Variants in MFN1 observed in about 807,000 individuals in gnomAD.
MFN1 encodes mitofusin-1.
In MFN1, 65 loss-of-function variants were observed where a neutral mutation model predicts 92.4. That is an observed-to-expected ratio of 0.70 (90% CI 0.58 to 0.86). MFN1 has a LOEUF of 0.86. Among genes scored for constraint, MFN1 ranks in the 40% least tolerant of loss-of-function variants. The pLI is 0.00. For missense variants in MFN1, 781 were observed against 868.0 expected (o/e 0.90, Z 1.26); for synonymous variants, 297 against 300.9 (o/e 0.99, Z 0.13).
chr3:179,378,923 T>A (rs1452790658), intron 14 of MFN1, 109 bp downstream of exon 14: 1 of 826,260 alleles, frequency 1.2e-6, no homozygotes, highest in Admixed American at 2.8e-5. Context: ...AAAGCTAGTA[T>A]CTATCTCTTA....
intron 14 of MFN1, among the ~76,000 whole-genome samples, chr3:179,382,890 A>G (rs1406857711): frequency 2.6e-5 from 4 of 152,172 alleles, no homozygotes; most frequent in African/African-American, 4.8e-5. Context: ...GTGTCTGTTC[A>G]TATCCTTCGC....
At chr3:179,389,285 AAGTT>A (rs1169771542) in intron 16 of MFN1, among the ~76,000 whole-genome samples, 3 of 152,194 alleles carry the variant, frequency 2.0e-5, no homozygotes, top group Non-Finnish European at 4.4e-5. Flanking sequence ...AATAAAAACA[AAGTT>A]AATGTAGCTT....
intron 8 of MFN1, 146 bp downstream of exon 8, chr3:179,367,738 C>A: frequency 1.7e-6 from 1 of 580,922 alleles, no homozygotes; most frequent in Non-Finnish European, 2.7e-6. Context: ...GCCTGGCCAA[C>A]ATGGTGAAAC....
In MFN1 at chr3:179,351,898, A is replaced by G. The variant is rs752365851; in HGVS notation, c.113-2A>G. On this transcript the variant is annotated splice_acceptor_variant, in intron 2 of 17. Transcript: ENST00000471841. LOFTEE classifies it high-confidence loss of function. The stretch of plus-strand genomic sequence containing the variant: ...TTTTCTAATGCCATTTCAATTTTGC[A>G]GCAACATATAAGAATCCGGAACTTG... The G allele has an allele frequency of 1.3e-6, 2 of 1,589,526 alleles. No individual in the cohort carries two copies. The highest frequency in any genetic ancestry group is 1.7e-4 in the Middle Eastern group (1 of 5,976).
rs370324225 is a variant in MFN1 at position 179,378,806 on chromosome 3, A to G, written c.1654A>G (p.Ile552Val). The G allele has an allele frequency of 4.4e-6, 7 of 1,608,792 alleles. No individual in the cohort carries two copies. The highest frequency in any genetic ancestry group is 2.7e-5 in the African/African-American group (2 of 74,784). ...QRVLLGLSEPIFQLPRSLAST... is the reference protein window; with the variant it reads ...QRVLLGLSEPVFQLPRSLAST... ...GGTGCTCCTAGGATTATCAGAGCCT[A>G]TCTTTCAGGTATGTATCTTTGAATC... Residue 552 changes from isoleucine to valine, a missense_variant, in exon 14 of 18, where the codon ATC (isoleucine) becomes GTC (valine). Ile to Val is a conservative substitution (Grantham distance 29). Coordinates refer to ENST00000471841, the MANE Select transcript of MFN1 (RefSeq NM_033540.3).
rs761041057 is a variant in MFN1 at position 179,364,268 on chromosome 3, T to C, written c.537-29T>C. ...ACCCAAATTTTCTTTTTAAGAAATA[T>C]AATACAATTTTTATTTCACTCTCAT... On this transcript the variant is annotated intron_variant, in intron 5 of 17. Transcript: ENST00000471841. 4 of 1,482,828 alleles carry C rather than the reference T, an allele frequency of 2.7e-6. No individual in the cohort carries two copies. The South Asian group carries it at 3.9e-5, about 14-fold the overall frequency. The allele number at this position is 1,482,828 out of a possible 1,614,324, so 91.9% of individuals were successfully genotyped here.
intron 2 of MFN1, among the ~76,000 whole-genome samples, chr3:179,350,787 T>G (rs1331609282): frequency 6.6e-6 from 1 of 152,224 alleles, no homozygotes; most frequent in Non-Finnish European, 1.5e-5. Context: ...GGATGTGCAC[T>G]GGAGAAGTTT....
chr3:179,368,128 C>G, intron 9 of MFN1, 25 bp downstream of exon 9: 1 of 1,496,446 alleles, frequency 6.7e-7, no homozygotes, highest in South Asian at 1.3e-5. Flanking sequence ...ATTGTATTGC[C>G]TAATACAAAA....
chr3:179,386,749 G>GATAAC, intron 16 of MFN1, 120 bp downstream of exon 16: 1 of 932,842 alleles, frequency 1.1e-6, no homozygotes, highest in East Asian at 2.6e-5. Flanking sequence ...CATGTTTCGT[G>GATAAC]ATGGCCATAA....
intron 2 of MFN1, among the ~76,000 whole-genome samples, chr3:179,350,054 G>C (rs547762546): frequency 6.6e-6 from 1 of 151,894 alleles, no homozygotes; most frequent in South Asian, 2.1e-4. Context: ...CAGGAGGCTC[G>C]AGGAGGGAGA....
At chr3:179,370,743 T>TG in intron 9 of MFN1, among the ~76,000 whole-genome samples, 1 of 152,190 alleles carries the variant, frequency 6.6e-6, no homozygotes, top group South Asian at 2.1e-4. Context: ...ACGTTGAAGA[T>TG]GCATTGGTTT....
intron 14 of MFN1, among the ~76,000 whole-genome samples, chr3:179,384,482 ATTTT>A (rs574828787): frequency 0.026 from 3,897 of 152,164 alleles, 185 homozygotes; most frequent in African/African-American, 0.089. Flanking sequence ...GCTTTTACCT[ATTTT>A]TAAATTATTT....
At position 179,381,114 on chromosome 3, in the gene MFN1, A is replaced by G. The variant is rs1449686969; in HGVS notation, c.1662+2300A>G. 3.9e-5 allele frequency among the ~76,000 whole-genome samples: 6 copies of G among 152,200 alleles called. 2 individuals carry two copies. Among genetic ancestry groups the G allele is most frequent in the African/African-American group, 1.4e-4 (6 of 41,458 alleles). Reference sequence around the variant, plus strand: ...TATGATAATGGTGATAATGAAGATGATTTCATTGACCTCGCAGAACAACTG... The same window carrying G: ...TATGATAATGGTGATAATGAAGATGGTTTCATTGACCTCGCAGAACAACTG... On this transcript the variant is annotated intron_variant, in intron 14 of 17. Transcript: ENST00000471841.
At chr3:179,379,949 C>T (rs184418256) in intron 14 of MFN1, among the ~76,000 whole-genome samples, 4 of 152,076 alleles carry the variant, frequency 2.6e-5, no homozygotes, top group Non-Finnish European at 5.9e-5. Context: ...AAGTTAAAAA[C>T]GAAGATCTTG....
rs1713952189 is a variant in MFN1, at chr3:179,392,633, G to A, written c.*574G>A. The A allele has an allele frequency of 6.6e-6, 1 of 152,138 alleles. No individual in the cohort carries two copies. Among genetic ancestry groups the A allele is most frequent in the Admixed American group, 6.5e-5 (1 of 15,272 alleles). The allele number at this position is 152,138 out of a possible 1,614,324, so 9.4% of individuals were successfully genotyped here. ...AAAACTGATGTAAAACAGGATAAAGGCTTGTTATAGTCACTTATAAGTATC... is the reference window on the plus strand; with the variant it reads ...AAAACTGATGTAAAACAGGATAAAGACTTGTTATAGTCACTTATAAGTATC... On this transcript the variant is annotated 3_prime_UTR_variant, in exon 18 of 18. Transcript: ENST00000471841.
intron 3 of MFN1, among the ~76,000 whole-genome samples, chr3:179,355,711 GGAGGCC>G (rs1158917381): frequency 1.3e-5 from 2 of 152,042 alleles, no homozygotes; most frequent in African/African-American, 4.8e-5. Flanking sequence ...CAGCACTTTG[GGAGGCC>G]GAGGCAGGTG....
At position 179,364,041 on chromosome 3, in the gene MFN1, C is replaced by A. The variant is rs566755814; in HGVS notation, c.537-256C>A. Among the ~76,000 whole-genome samples, 5 of 152,012 alleles carry A rather than the reference C, an allele frequency of 3.3e-5. No homozygotes were observed. The East Asian group carries it at 7.7e-4, about 23-fold the overall frequency. ...GCCATACTGGATATAGCTGCTTGAACCCTCATTGTTTAGTATCTATTAGCC... is the reference window on the plus strand; with the variant it reads ...GCCATACTGGATATAGCTGCTTGAAACCTCATTGTTTAGTATCTATTAGCC... On this transcript the variant is annotated intron_variant, in intron 5 of 17. Coordinates refer to ENST00000471841, the MANE Select transcript of MFN1 (RefSeq NM_033540.3).
In MFN1 at chr3:179,367,443, G is replaced by T; in HGVS notation, c.758G>T (p.Arg253Leu). The change falls in exon 8 of 18, where the codon CGC becomes CTC. Residue 253 changes from arginine to leucine, a missense_variant. By Grantham distance (102) the Arg-to-Leu change is moderately radical. Coordinates refer to ENST00000471841, the MANE Select transcript of MFN1 (RefSeq NM_033540.3). ...TTAATACCGTTTTCTCTGTAGGTACGCAGACAGCACATGGAAAGATGCCTG... is the reference window on the plus strand; with the variant it reads ...TTAATACCGTTTTCTCTGTAGGTACTCAGACAGCACATGGAAAGATGCCTG... Reference protein sequence around the residue: ...ASEPEYMEDVRRQHMERCLHF... With the variant: ...ASEPEYMEDVLRQHMERCLHF... The T allele has an allele frequency of 6.2e-7, 1 of 1,608,146 alleles. No homozygotes were observed. Among genetic ancestry groups the T allele is most frequent in the Non-Finnish European group, 8.5e-7 (1 of 1,177,926 alleles).
chr3:179,360,051 G>C (rs1003654144), intron 4 of MFN1, among the ~76,000 whole-genome samples: 5 of 151,938 alleles, frequency 3.3e-5, no homozygotes, highest in African/African-American at 7.3e-5. Context: ...GAGTAGCTGG[G>C]ATTACAGGCA....
Sources: allele counts gnomAD v4.1 joint callset (sites outside exome capture counted in the v4.1 genomes callset), GRCh38; gene constraint gnomAD v4.1.1; transcripts MANE v1.5; gene names NCBI Gene and HGNC (gene_info 2026-07-23, HGNC 2026-07-21).